MALL: variants seen among roughly 807,000 people sequenced by gnomAD.
The protein encoded by MALL is mal, T cell differentiation protein like, also known as MAL-like protein.
In MALL, 2 loss-of-function variants were observed where a neutral mutation model predicts 10.3. The ratio of observed to expected loss-of-function variants is 0.19; its 90% confidence interval spans 0.08 to 0.61. MALL has a LOEUF of 0.61. Ranked by LOEUF, MALL falls within the 20% of genes least tolerant of loss-of-function variation. MALL has a pLI of 0.88. For missense variants in MALL, 39 were observed against 115.2 expected, an observed-to-expected ratio of 0.34 and a Z score of 3.03; for synonymous variants, 27 against 51.8, an observed-to-expected ratio of 0.52 and a Z score of 2.05.
intron 1 of MALL, among the ~76,000 whole-genome samples, chr2:110,110,332 C>G (rs967689554): frequency 6.6e-6 from 1 of 151,840 alleles, no homozygotes; most frequent in Admixed American, 6.6e-5. Context: ...CAAGATTAAC[C>G]AAGGAAAGAA....
chr2:110,102,728 GC>G (rs1341220083), intron 1 of MALL, among the ~76,000 whole-genome samples: 2 of 152,086 alleles, frequency 1.3e-5, no homozygotes, highest in African/African-American at 4.8e-5. Flanking sequence ...CACCTCCCAG[GC>G]CCCAGAAATT....
At chr2:110,112,507 A>G (rs1678826467) in intron 1 of MALL, among the ~76,000 whole-genome samples, 1 of 152,160 alleles carries the variant, frequency 6.6e-6, no homozygotes, top group African/African-American at 2.4e-5. Context: ...ATGATCAGGG[A>G]AATGGAAATT....
intron 1 of MALL, among the ~76,000 whole-genome samples, chr2:110,106,153 C>T (rs1350308846): frequency 6.6e-6 from 1 of 152,176 alleles, no homozygotes; most frequent in Non-Finnish European, 1.5e-5. Context: ...AGTCAAAAAT[C>T]TCATAAGTCA....
intron 1 of MALL, among the ~76,000 whole-genome samples, chr2:110,112,189 C>A (rs1170519158): frequency 6.6e-6 from 1 of 152,078 alleles, no homozygotes; most frequent in Non-Finnish European, 1.5e-5. Flanking sequence ...ATTTCATGAC[C>A]AAGAACCCAA....
intron 1 of MALL, among the ~76,000 whole-genome samples, chr2:110,113,134 G>T (rs980346102): frequency 9.9e-5 from 15 of 151,612 alleles, no homozygotes; most frequent in African/African-American, 3.6e-4. Flanking sequence ...AGAGGAGTGA[G>T]GGATAAAAGA....
intron 1 of MALL, among the ~76,000 whole-genome samples, chr2:110,095,084 C>A (rs1157393650): frequency 2.0e-5 from 3 of 150,260 alleles, no homozygotes; most frequent in Admixed American, 1.3e-4. Flanking sequence ...GGGACCAGAG[C>A]CAAGGGCTGC....
intron 1 of MALL, among the ~76,000 whole-genome samples, chr2:110,108,391 A>T (rs1678738670): frequency 6.6e-6 from 1 of 152,000 alleles, no homozygotes. Flanking sequence ...AATGTGAAAT[A>T]CTCTGGGAAA....
intron 1 of MALL, among the ~76,000 whole-genome samples, chr2:110,109,140 G>A (rs1301886302): frequency 1.3e-5 from 2 of 151,956 alleles, no homozygotes; most frequent in South Asian, 2.1e-4. Context: ...AAATTAAAAA[G>A]CAAAAACATA....
intron 1 of MALL, among the ~76,000 whole-genome samples, chr2:110,099,595 G>A (rs1678518792): frequency 6.6e-6 from 1 of 152,150 alleles, no homozygotes; most frequent in Non-Finnish European, 1.5e-5. Flanking sequence ...AACTGTTTCT[G>A]TGGAGTGAGC....
At chr2:110,100,485 A>G (rs1186278461) in intron 1 of MALL, among the ~76,000 whole-genome samples, 5 of 152,024 alleles carry the variant, frequency 3.3e-5, no homozygotes, top group African/African-American at 1.2e-4. Context: ...ACCCTAAAAA[A>G]AAAAAACTTA....
At chr2:110,097,456 A>G (rs1678469206) in intron 1 of MALL, 2 of 456,228 alleles carry the variant, frequency 4.4e-6, no homozygotes, top group South Asian at 1.5e-5. Context: ...CTGAATGGGA[A>G]GAGATAAGGA....
At chr2:110,113,363 G>A (rs1358634503) in intron 1 of MALL, among the ~76,000 whole-genome samples, 2 of 150,030 alleles carry the variant, frequency 1.3e-5, no homozygotes, top group Admixed American at 6.6e-5. Context: ...GCATGAACCC[G>A]GGAGGTGGAG....
chr2:110,111,383 A>G (rs960056163), intron 1 of MALL, among the ~76,000 whole-genome samples: 7 of 152,170 alleles, frequency 4.6e-5, no homozygotes, highest in African/African-American at 1.4e-4. Context: ...TTCTGGATAC[A>G]AGATTAATGT....
intron 1 of MALL, among the ~76,000 whole-genome samples, chr2:110,110,859 G>C (rs1293464483): frequency 6.6e-6 from 1 of 152,042 alleles, no homozygotes. Flanking sequence ...GTATCAAAAA[G>C]ATAACCCACC....
intron 1 of MALL, among the ~76,000 whole-genome samples, chr2:110,099,472 A>G (rs897817545): frequency 2.0e-5 from 3 of 152,144 alleles, no homozygotes; most frequent in African/African-American, 7.2e-5. Context: ...AGTTGATAAA[A>G]CCTCATTTAC....
At chr2:110,115,600 G>T in intron 1 of MALL, 88 bp downstream of exon 1, 2 of 669,272 alleles carry the variant, frequency 3.0e-6, no homozygotes, top group Non-Finnish European at 4.3e-6. Flanking sequence ...TCCGGTCTGG[G>T]TCTCTCTCTT....
chr2:110,110,456 C>A (rs964509301), intron 1 of MALL, among the ~76,000 whole-genome samples: 1 of 152,010 alleles, frequency 6.6e-6, no homozygotes. Flanking sequence ...CACACATAAA[C>A]TAGAAAACCT....
chr2:110,095,748 G>T (rs914917525), intron 1 of MALL, among the ~76,000 whole-genome samples: 1 of 151,918 alleles, frequency 6.6e-6, no homozygotes, highest in East Asian at 1.9e-4. Flanking sequence ...CACCCAGATT[G>T]GTGTCCAGGA....
intron 1 of MALL, among the ~76,000 whole-genome samples, chr2:110,115,229 G>A (rs1454971236): frequency 6.6e-6 from 1 of 152,152 alleles, no homozygotes; most frequent in Non-Finnish European, 1.5e-5. Flanking sequence ...AACCAGAAAG[G>A]CACAAATAGT....
Sources: allele counts gnomAD v4.1 joint callset (sites outside exome capture counted in the v4.1 genomes callset), GRCh38; gene constraint gnomAD v4.1.1; transcripts MANE v1.5; gene names NCBI Gene and HGNC (gene_info 2026-07-23, HGNC 2026-07-21).